MEP1B: variants seen among roughly 807,000 people sequenced by gnomAD.
MEP1B encodes meprin A subunit beta.
MEP1B carries 80 observed loss-of-function variants against 84.6 expected under a neutral mutation model. The ratio of observed to expected loss-of-function variants is 0.95; its 90% CI spans 0.79 to 1.14. The LOEUF is 1.14. Ranked by LOEUF, MEP1B falls within the 50% of genes most tolerant of loss-of-function variation. MEP1B has a pLI of 0.00. For missense variants in MEP1B, 766 were observed against 855.1 expected, an observed-to-expected ratio of 0.90 and a Z score of 1.30; for synonymous variants, 273 against 288.1, an observed-to-expected ratio of 0.95 and a Z score of 0.53.
rs2040859465 is a variant in MEP1B, at chr18:32,196,718, C to T, written c.250+1233C>T. ...GGGCGCCCTGCAGCAGGCTGAGGGC[C>T]AGGGACAGCTGCCTGCTGGTGAAGC... On this transcript the variant is annotated intron_variant, in intron 5 of 14. Transcript: ENST00000269202. This position sits in a 1 kb window ranked among gnomAD's most constrained non-coding sequence, Gnocchi z 4.4. 1 of 637,938 alleles carries T rather than the reference C, an allele frequency of 1.6e-6. No individual in the cohort carries two copies. The highest frequency in any genetic ancestry group is 1.8e-5 in the South Asian group (1 of 56,218). The allele number at this position is 637,938 out of a possible 1,614,324, so 39.5% of individuals were successfully genotyped here. A position where few individuals can be genotyped will look rare whatever the true frequency, so the allele number is the denominator to read the frequency against.
intron 10 of MEP1B, among the ~76,000 whole-genome samples, chr18:32,212,814 T>C (rs1322800282): frequency 6.6e-6 from 1 of 152,106 alleles, no homozygotes; most frequent in South Asian, 2.1e-4. Flanking sequence ...AGGTAACTCA[T>C]AGGTAGGGCA....
chr18:32,217,720 G>C, intron 13 of MEP1B, 41 bp from the exon 14 acceptor site: 1 of 1,500,754 alleles, frequency 6.7e-7, no homozygotes. Context: ...TCTGGAGTTA[G>C]ATATCAACTA....
At chr18:32,205,734 T>A (rs9955257) in intron 7 of MEP1B, among the ~76,000 whole-genome samples, 4,326 of 152,192 alleles carry the variant, frequency 0.028, 180 homozygotes, top group African/African-American at 0.096. Context: ...TAATGCTAAA[T>A]GGCCTGAATG....
In MEP1B at chr18:32,208,280, A is replaced by G. The variant is rs1192913810; in HGVS notation, c.919+9A>G. The G allele has an allele frequency of 6.2e-7, 1 of 1,612,786 alleles. No individual in the cohort carries two copies. The highest frequency in any genetic ancestry group is 1.7e-5 in the Admixed American group (1 of 59,976). ...CATGGGCCAGTGCCAAGGTAACAGG[A>G]GTGAGATATTCCTAGACTGTATACT... On this transcript the variant is annotated intron_variant, in intron 9 of 14. Coordinates refer to ENST00000269202, the MANE Select transcript of MEP1B (RefSeq NM_005925.3).
chr18:32,193,094 GGAGCAATAT>G (rs568541183), intron 4 of MEP1B, among the ~76,000 whole-genome samples: 6 of 152,024 alleles, frequency 3.9e-5, no homozygotes, highest in African/African-American at 1.4e-4. Context: ...TTTCATTATT[GGAGCAATAT>G]GACATTTGAT....
intron 9 of MEP1B, among the ~76,000 whole-genome samples, chr18:32,209,486 CAA>C (rs1156344556): frequency 2.7e-4 from 29 of 107,078 alleles, no homozygotes; most frequent in Admixed American, 6.0e-4. Flanking sequence ...GACGTTGTCT[CAA>C]AAAAAAAAAA....
In MEP1B at chr18:32,204,521, G is replaced by C. The variant is rs577742544; in HGVS notation, c.547+161G>C. Among the ~76,000 whole-genome samples, 124 of 152,226 alleles carry C rather than the reference G, an allele frequency of 8.1e-4. 1 individual carries two copies. The highest frequency in any genetic ancestry group is 1.4e-3 in the Non-Finnish European group (94 of 68,018). ...CTCATTCTGAGTTATTGGAGCACTAGTATTCCAGAACCCATATGAGCTAGA... is the reference window on the plus strand; with the variant it reads ...CTCATTCTGAGTTATTGGAGCACTACTATTCCAGAACCCATATGAGCTAGA... On this transcript the variant is annotated intron_variant, in intron 7 of 14. Transcript: ENST00000269202.
At chr18:32,203,855 T>G (rs1372727371) in intron 6 of MEP1B, among the ~76,000 whole-genome samples, 1 of 150,252 alleles carries the variant, frequency 6.7e-6, no homozygotes, top group Non-Finnish European at 1.5e-5. Flanking sequence ...GAGGGGGAGG[T>G]GCTACACACT....
chr18:32,214,064 A>G (rs1161372777), intron 11 of MEP1B, among the ~76,000 whole-genome samples: 6 of 152,128 alleles, frequency 3.9e-5, no homozygotes, highest in African/African-American at 9.7e-5. Context: ...AACTCATGCT[A>G]CCTTGTTCAC....
intron 9 of MEP1B, among the ~76,000 whole-genome samples, chr18:32,209,486 C>CA (rs1156344556): frequency 0.12 from 13,092 of 106,914 alleles, 694 homozygotes; most frequent in African/African-American, 0.17. Context: ...GACGTTGTCT[C>CA]AAAAAAAAAA....
rs538460511 is a variant in MEP1B at position 32,207,515 on chromosome 18, T to C, written c.766+45T>C. 7 of 1,362,820 alleles carry C rather than the reference T, an allele frequency of 5.1e-6. No individual in the cohort carries two copies. The East Asian group carries it at 1.2e-4, about 23-fold the overall frequency. The allele number at this position is 1,362,820 out of a possible 1,614,324, so 84.4% of individuals were successfully genotyped here. A position where few individuals can be genotyped will look rare whatever the true frequency, so the allele number is the denominator to read the frequency against. On this transcript the variant is annotated intron_variant, in intron 8 of 14. Transcript: ENST00000269202. ...AAATGACTTATATTTTCCGCTGTTA[T>C]GTAGGAAAAAATGATGGTCTGTGCC...
chr18:32,220,192 T>C, intron 14 of MEP1B, 39 bp from the exon 15 acceptor site: 1 of 1,570,782 alleles, frequency 6.4e-7, no homozygotes. Flanking sequence ...AGTTTTTAAA[T>C]TTAGAAATTA....
chr18:32,201,299 T>TACACACACACACAC (rs58057830), intron 5 of MEP1B, among the ~76,000 whole-genome samples: 60 of 144,322 alleles, frequency 4.2e-4, no homozygotes, highest in South Asian at 2.5e-3. Flanking sequence ...CATATGTAGA[T>TACACACACACACAC]ACACACACAC....
In MEP1B at chr18:32,192,708, A is replaced by T; in HGVS notation, c.127+18A>T. ...CAATGAAGGTTTGTGGATTTTTTTT[A>T]CATAATCTCTTAAGTAGAGAGTTTG... On this transcript the variant is annotated intron_variant, in intron 3 of 14. Transcript: ENST00000269202. The T allele has an allele frequency of 6.2e-7, 1 of 1,611,634 alleles. No homozygotes were observed.
At chr18:32,213,079 C>G in intron 10 of MEP1B, 37 bp from the exon 11 acceptor site, 2 of 1,578,274 alleles carry the variant, frequency 1.3e-6, no homozygotes, top group Non-Finnish European at 1.7e-6. Flanking sequence ...ATGATTTGAA[C>G]TTCTTTGTCT....
intron 8 of MEP1B, among the ~76,000 whole-genome samples, chr18:32,207,819 C>G (rs895691088): frequency 2.6e-5 from 4 of 152,174 alleles, no homozygotes; most frequent in African/African-American, 9.7e-5. Flanking sequence ...ATCAAATAAT[C>G]TGGATTGTGG....
rs987558130 is a variant in MEP1B, at chr18:32,196,804, G to A, written c.250+1319G>A. ...TTGGGGTGCTCGATGCCCATCACCCGCACGCTCATCAGCACTGCCTTCTGC... is the reference window on the plus strand; with the variant it reads ...TTGGGGTGCTCGATGCCCATCACCCACACGCTCATCAGCACTGCCTTCTGC... On this transcript the variant is annotated intron_variant, in intron 5 of 14. Transcript: ENST00000269202. The surrounding 1 kb of genome is among the most constrained non-coding windows in gnomAD (Gnocchi z 4.4). 3.0e-5 allele frequency: 19 copies of A among 643,696 alleles called. No individual in the cohort carries two copies. Among genetic ancestry groups the A allele is most frequent in the East Asian group, 1.2e-4 (4 of 34,456 alleles). The allele number at this position is 643,696 out of a possible 1,614,324, so 39.9% of individuals were successfully genotyped here.
chr18:32,206,794 T>C (rs1394171724), intron 7 of MEP1B, among the ~76,000 whole-genome samples: 2 of 152,032 alleles, frequency 1.3e-5, no homozygotes, highest in African/African-American at 2.4e-5. Context: ...GTATTTTTAG[T>C]AGAGACAGGG....
At chr18:32,209,428 A>T (rs1019413608) in intron 9 of MEP1B, among the ~76,000 whole-genome samples, 1 of 151,246 alleles carries the variant, frequency 6.6e-6, no homozygotes, top group Non-Finnish European at 1.5e-5. Flanking sequence ...CAGAGGTTGT[A>T]GTGAGCTGAG....
Sources: gnomAD v4.1 joint callset for allele counts (sites outside exome capture counted in the v4.1 genomes callset) on GRCh38, gnomAD v4.1.1 for gene constraint, Gnocchi (gnomAD v3.1) non-coding constraint, MANE v1.5 for transcripts, NCBI Gene and HGNC (gene_info 2026-07-23, HGNC 2026-07-21) for gene names.